The following LTBP2 variants were observed in gnomAD, a reference collection of about 807,000 sequenced individuals.
LTBP2 encodes latent-transforming growth factor beta-binding protein 2.
LTBP2 carries 103 observed loss-of-function variants against 210.6 expected under a neutral mutation model. That is an observed-to-expected ratio of 0.49 (90% CI 0.42 to 0.58). The LOEUF (loss-of-function observed/expected upper bound fraction) is 0.58, where lower values mean the gene tolerates loss of function less well. LTBP2 is among the 20% of genes least tolerant of loss of function. The pLI is 0.00. For missense variants in LTBP2, 2,313 were observed against 2,494.5 expected (o/e 0.93, Z 1.55); for synonymous variants, 1,007 against 1,015.0 (o/e 0.99, Z 0.15).
rs529442225 is a variant in LTBP2, at chr14:74,500,078, C to T, written c.*806G>A. ...GATGGGTGCTGTATCCCATGGCAGC[C>T]CTTGCTGCTGGTGCCCACAGGCTAT... On this transcript the variant is annotated 3_prime_UTR_variant, in exon 36 of 36. Transcript: ENST00000261978. 4.3e-6 allele frequency: 1 copy of T among 232,902 alleles called. No homozygotes were observed. Among genetic ancestry groups the T allele is most frequent in the Non-Finnish European group, 8.5e-6 (1 of 118,034 alleles). The allele number at this position is 232,902 out of a possible 1,614,324, so 14.4% of individuals were successfully genotyped here. A position where few individuals can be genotyped will look rare whatever the true frequency, so the allele number is the denominator to read the frequency against.
chr14:74,597,106 G>A (rs1033549769), intron 2 of LTBP2, among the ~76,000 whole-genome samples: 1 of 152,230 alleles, frequency 6.6e-6, no homozygotes, highest in Non-Finnish European at 1.5e-5. Context: ...CAGTTTAGTA[G>A]TGAGCAGAGG....
chr14:74,522,289 C>T (rs1430093754), intron 16 of LTBP2, among the ~76,000 whole-genome samples: 8 of 152,194 alleles, frequency 5.3e-5, no homozygotes, highest in Admixed American at 5.2e-4. Context: ...GACTCCTTCC[C>T]CCAGTAGCCT....
At chr14:74,594,955 A>G (rs1275171484) in intron 2 of LTBP2, among the ~76,000 whole-genome samples, 1 of 152,174 alleles carries the variant, frequency 6.6e-6, no homozygotes, top group Admixed American at 6.5e-5. Context: ...GCTCCCACAC[A>G]GCTGTGCCAG....
At chr14:74,609,014 G>A (rs1286841961) in intron 1 of LTBP2, among the ~76,000 whole-genome samples, 1 of 152,206 alleles carries the variant, frequency 6.6e-6, no homozygotes, top group Non-Finnish European at 1.5e-5. Context: ...TTTGTCGAAT[G>A]AATGAAGAAG....
rs942118651 is a variant in LTBP2, at chr14:74,500,814, A to G, written c.*70T>C. 22 of 1,600,488 alleles carry G rather than the reference A, an allele frequency of 1.4e-5. No individual in the cohort carries two copies. The highest frequency in any genetic ancestry group is 1.9e-5 in the Non-Finnish European group (22 of 1,170,016). ...TGTCACGGTGTCTTCCCAGCTAGGAAATCATCCTCAAGGCCCCTGCCTGTG... is the reference window on the plus strand; with the variant it reads ...TGTCACGGTGTCTTCCCAGCTAGGAGATCATCCTCAAGGCCCCTGCCTGTG... On this transcript the variant is annotated 3_prime_UTR_variant, in exon 36 of 36. Transcript: ENST00000261978.
Position 74,586,202 on chromosome 14 carries a change from C to T in LTBP2, c.566-84G>A, listed in dbSNP as rs2088203857. On this transcript the variant is annotated intron_variant, in intron 2 of 35. Transcript: ENST00000261978. This position sits in a 1 kb window ranked among gnomAD's most constrained non-coding sequence, Gnocchi z 4.6. Reference sequence around the variant, plus strand: ...CCCACACCTTCCTGTCAGAAGGGCCCTCCTGAGTGCTGCAACCCTGTCGCT... The same window carrying T: ...CCCACACCTTCCTGTCAGAAGGGCCTTCCTGAGTGCTGCAACCCTGTCGCT... 4 of 1,444,772 alleles carry T rather than the reference C, an allele frequency of 2.8e-6. No individual in the cohort carries two copies. In the African/African-American group the frequency reaches 4.2e-5, roughly 15 times the overall value. The allele number at this position is 1,444,772 out of a possible 1,614,324, so 89.5% of individuals were successfully genotyped here.
intron 6 of LTBP2, 83 bp downstream of exon 6, chr14:74,552,104 T>A: frequency 7.5e-7 from 1 of 1,332,568 alleles, no homozygotes; most frequent in Non-Finnish European, 1.0e-6. Flanking sequence ...AGCTTCCCTA[T>A]CCCTGTCACA....
At chr14:74,543,520 G>GCCTTCCTTCCCTCCCTTTTTCCTT (rs1403665741) in intron 8 of LTBP2, among the ~76,000 whole-genome samples, 36,356 of 127,856 alleles carry the variant, frequency 0.28, 5,624 homozygotes, top group Non-Finnish European at 0.34. Context: ...CTGCCTGCCT[G>GCCTTCCTTCCCTCCCTTTTTCCTT]CCTGCCTTCC....
At chr14:74,536,344 G>C (rs550102803) in intron 8 of LTBP2, among the ~76,000 whole-genome samples, 1 of 152,286 alleles carries the variant, frequency 6.6e-6, no homozygotes, top group South Asian at 2.1e-4. Flanking sequence ...ATTGATCAAA[G>C]GGTACAACAT....
rs752772932 is a variant in LTBP2 at position 74,508,689 on chromosome 14, G to A, written c.3567C>T (p.His1189=). Reference sequence around the variant, plus strand: ...ACCCGTGGCTGTTGAGGCACTCGCCGTGGGGTGCGCAGTGCTCCTCCCCCA... The same window carrying A: ...ACCCGTGGCTGTTGAGGCACTCGCCATGGGGTGCGCAGTGCTCCTCCCCCA... ...ECMGEEHCAP[H]GECLNSHGSF... is the part of the protein sequence containing the mutation. Residue 1189 remains histidine, a synonymous_variant, in exon 24 of 36, where the codon CAC becomes CAT. Coordinates refer to ENST00000261978, the MANE Select transcript of LTBP2 (RefSeq NM_000428.3). 60 of 1,613,602 alleles carry A rather than the reference G, an allele frequency of 3.7e-5. No homozygotes were observed. In the East Asian group the frequency reaches 8.9e-4, roughly 24 times the overall value.
Position 74,504,497 on chromosome 14 carries a change from G to T in LTBP2, c.4453+281C>A, listed in dbSNP as rs2086957569. On this transcript the variant is annotated intron_variant, in intron 30 of 35. Transcript: ENST00000261978. ...CTCCACTCTGTCCCTGTGCCCACATGTGGCTGTGGGTGAGAGTTAGTCAAG... is the reference window on the plus strand; with the variant it reads ...CTCCACTCTGTCCCTGTGCCCACATTTGGCTGTGGGTGAGAGTTAGTCAAG... Among the ~76,000 whole-genome samples the T allele has an allele frequency of 3.3e-5, 5 of 152,242 alleles. No homozygotes were observed. The South Asian group carries it at 1.0e-3, about 31-fold the overall frequency.
At chr14:74,593,188 C>T (rs1462022730) in intron 2 of LTBP2, among the ~76,000 whole-genome samples, 1 of 152,222 alleles carries the variant, frequency 6.6e-6, no homozygotes, top group Non-Finnish European at 1.5e-5. Flanking sequence ...ATTTTCCACA[C>T]AAAACCCCTA....
chr14:74,565,189 C>G (rs554984135), intron 3 of LTBP2, among the ~76,000 whole-genome samples: 1 of 152,180 alleles, frequency 6.6e-6, no homozygotes, highest in Non-Finnish European at 1.5e-5. Flanking sequence ...AAAACTCCAA[C>G]CTTGGTTGAA....
chr14:74,541,093 CCA>C (rs1566630264), intron 8 of LTBP2, among the ~76,000 whole-genome samples: 1 of 150,708 alleles, frequency 6.6e-6, no homozygotes, highest in Non-Finnish European at 1.5e-5. Context: ...TCCCTGCCAC[CCA>C]CACCAGGTGT....
At chr14:74,509,039 C>T (rs2087032537) in intron 22 of LTBP2, 87 bp from the exon 23 acceptor site, 3 of 1,592,618 alleles carry the variant, frequency 1.9e-6, no homozygotes, top group East Asian at 2.2e-5. Flanking sequence ...GAGGACCTGT[C>T]ACCTGCCTGC....
chr14:74,550,708 A>T (rs908777885), intron 7 of LTBP2, among the ~76,000 whole-genome samples: 5 of 151,692 alleles, frequency 3.3e-5, no homozygotes, highest in Non-Finnish European at 7.4e-5. Flanking sequence ...TGGATAAAAA[A>T]CTCCTGGCCA....
chr14:74,502,154 A>G (rs754749289), intron 34 of LTBP2, among the ~76,000 whole-genome samples: 3 of 152,114 alleles, frequency 2.0e-5, no homozygotes, highest in Non-Finnish European at 4.4e-5. Flanking sequence ...TACCGTGTGC[A>G]TGGCACAGTG....
rs2086879235 is a variant in LTBP2 at position 74,498,841 on chromosome 14, C to G, written c.*2043G>C. Reference sequence around the variant, plus strand: ...TGCTGTTATGCAACCCTCCCTTTTCCCCTTAATTTGTTTTGGATATCTTTC... The same window carrying G: ...TGCTGTTATGCAACCCTCCCTTTTCGCCTTAATTTGTTTTGGATATCTTTC... On this transcript the variant is annotated 3_prime_UTR_variant, in exon 36 of 36. Transcript: ENST00000261978. 4 of 229,002 alleles carry G rather than the reference C, an allele frequency of 1.7e-5. No homozygotes were observed. Among genetic ancestry groups the G allele is most frequent in the Non-Finnish European group, 3.5e-5 (4 of 115,496 alleles). 14.2% of individuals were successfully genotyped at this position (229,002 alleles called of 1,614,324 possible).
At chr14:74,590,467 T>G (rs1181864752) in intron 2 of LTBP2, among the ~76,000 whole-genome samples, 1 of 152,096 alleles carries the variant, frequency 6.6e-6, no homozygotes, top group Non-Finnish European at 1.5e-5. Flanking sequence ...TAACCAGGTG[T>G]GGTGGCAGGT....
Sources: allele counts gnomAD v4.1 joint callset (sites outside exome capture counted in the v4.1 genomes callset), GRCh38; gene constraint gnomAD v4.1.1; non-coding constraint Gnocchi (gnomAD v3.1); transcripts MANE v1.5; gene names NCBI Gene and HGNC (gene_info 2026-07-23, HGNC 2026-07-21).